Variants in PARP2 observed in about 807,000 individuals in gnomAD.
The protein encoded by PARP2 is poly(ADP-ribose) polymerase 2, also known as poly [ADP-ribose] polymerase 2.
PARP2 carries 57 observed loss-of-function variants against 77.8 expected under a neutral mutation model. The observed-to-expected ratio is 0.73, with a 90% CI of 0.59 to 0.91. The LOEUF is 0.91. Among genes scored for constraint, PARP2 ranks in the 40% least tolerant of loss-of-function variants. PARP2 has a pLI of 0.00. For synonymous variants in PARP2, 226 were observed against 242.6 expected (o/e 0.93, Z 0.64); for missense variants, 651 against 689.0 (o/e 0.94, Z 0.62).
chr14:20,350,461 C>A, intron 4 of PARP2, 65 bp from the exon 5 acceptor site: 1 of 794,532 alleles, frequency 1.3e-6, no homozygotes. Flanking sequence ...AAGGATGAGT[C>A]ATTGGTTTAT....
chr14:20,346,922 C>A lies in PARP2; in HGVS notation c.324+9C>A. On this transcript the variant is annotated intron_variant, in intron 4 of 15. Coordinates refer to ENST00000429687, the MANE Select transcript of PARP2 (RefSeq NM_001042618.2). The stretch of plus-strand genomic sequence containing the variant: ...ATGTCATGCTAAATCAGGTAAGAGG[C>A]AAGAAGAGGTGGCACCATTATATTT... 1 of 1,572,496 alleles carries A rather than the reference C, an allele frequency of 6.4e-7. No individual in the cohort carries two copies. Among genetic ancestry groups the A allele is most frequent in the Non-Finnish European group, 8.7e-7 (1 of 1,144,462 alleles).
chr14:20,356,655 T>G lies in PARP2; in HGVS notation c.1295T>G (p.Ile432Ser). ...WVGILSHGLRIAPPEAPITGY... is the reference protein window; with the variant it reads ...WVGILSHGLRSAPPEAPITGY... ...GGAATCTTGAGCCATGGGCTTCGAA[T>G]TGCCCCACCTGAAGCTCCCATCACA... Residue 432 changes from isoleucine (I) to serine (S), a missense_variant, in exon 13 of 16, where the codon ATT (isoleucine) becomes AGT (serine). Ile to Ser is a moderately radical substitution (Grantham distance 142). Transcript: ENST00000429687. The G allele has an allele frequency of 6.2e-7, 1 of 1,614,024 alleles. No homozygotes were observed. Among genetic ancestry groups the G allele is most frequent in the Non-Finnish European group, 8.5e-7 (1 of 1,179,898 alleles).
chr14:20,353,265 G>A (rs1041042361), intron 7 of PARP2, among the ~76,000 whole-genome samples: 2 of 150,022 alleles, frequency 1.3e-5, no homozygotes, highest in African/African-American at 2.5e-5. Context: ...TTTTTGATAC[G>A]GAGTCTCGCT....
intron 3 of PARP2, chr14:20,346,484 C>T (rs566321288): frequency 4.0e-4 from 70 of 175,532 alleles, no homozygotes; most frequent in Non-Finnish European, 7.2e-4. Flanking sequence ...CCCACCACCA[C>T]GCCCAGCCTG....
intron 3 of PARP2, among the ~76,000 whole-genome samples, chr14:20,345,906 GAGAA>G (rs1019388213): frequency 4.0e-5 from 6 of 149,838 alleles, no homozygotes; most frequent in East Asian, 1.9e-4. Context: ...GTCACAGAGA[GAGAA>G]AGAGAGAATG....
rs1884150573 is a variant in PARP2, at chr14:20,356,328, TCTACCCATG to T, written c.1126_1134del (p.Thr376_Ala378del). 6.2e-7 allele frequency: 1 copy of T among 1,614,132 alleles called. No homozygotes were observed. Among genetic ancestry groups the T allele is most frequent in the Non-Finnish European group, 8.5e-7 (1 of 1,179,950 alleles). ...ACAGGTGATTTCCCAGTACCTACAA[TCTACCCATG>T]CTCCCACACACAGCGACTATACCAT... On this transcript the variant is annotated inframe_deletion, in exon 12 of 16. Transcript: ENST00000429687.
In PARP2 at chr14:20,356,679, CAGG is replaced by C; in HGVS notation, c.1320_1322del (p.Gly441del). ...ATTGCCCCACCTGAAGCTCCCATCA[CAGG>C]TTACATGGTGAGTGAAATTGAACTC... On this transcript the variant is annotated inframe_deletion, in exon 13 of 16. Transcript: ENST00000429687. The C allele has an allele frequency of 1.9e-6, 3 of 1,611,938 alleles. No homozygotes were observed. The highest frequency in any genetic ancestry group is 2.5e-6 in the Non-Finnish European group (3 of 1,177,992).
At chr14:20,344,655 A>C (rs1294708549) in intron 1 of PARP2, among the ~76,000 whole-genome samples, 25 of 152,112 alleles carry the variant, frequency 1.6e-4, no homozygotes, top group Non-Finnish European at 2.6e-4. Context: ...TCTACTAAAA[A>C]TACAAAAATT....
intron 14 of PARP2, 61 bp downstream of exon 14, chr14:20,357,210 A>G (rs1448145794): frequency 7.1e-7 from 1 of 1,412,578 alleles, no homozygotes; most frequent in Admixed American, 1.7e-5. Flanking sequence ...TCCGATGAGA[A>G]AAGTTTGACC....
intron 5 of PARP2, 163 bp from the exon 6 acceptor site, chr14:20,350,884 G>C: frequency 1.6e-6 from 1 of 629,930 alleles, no homozygotes; most frequent in Non-Finnish European, 2.8e-6. Context: ...CATAGACTAT[G>C]GCAGTTAGCA....
chr14:20,350,373 A>G (rs753968849), intron 4 of PARP2, among the ~76,000 whole-genome samples, 153 bp from the exon 5 acceptor site: 1 of 152,212 alleles, frequency 6.6e-6, no homozygotes, highest in African/African-American at 2.4e-5. Context: ...TCTTCTTTAT[A>G]TCTTTAATCT....
chr14:20,346,761 T>C (rs1236588523), intron 3 of PARP2, 102 bp from the exon 4 acceptor site: 2 of 762,970 alleles, frequency 2.6e-6, no homozygotes, highest in African/African-American at 1.7e-5. Context: ...TTGATGTTGC[T>C]GTAGAATGAT....
chr14:20,351,096 C>T lies in PARP2; in HGVS notation c.471C>T (p.Asn157=), dbSNP rs756267437. 9 of 1,613,786 alleles carry T rather than the reference C, an allele frequency of 5.6e-6. No individual in the cohort carries two copies. In the African/African-American group the frequency reaches 1.1e-4, roughly 19 times the overall value. ...TGGTGGCTTGTTCAGGCAATCTCAA[C>T]AAGGCCAAGGAAATCTTTCAGAAGA... ...HSLVACSGNL[N]KAKEIFQKKF... is the part of the protein sequence containing the mutation. Residue 157 remains asparagine, a synonymous_variant, in exon 6 of 16, where the codon AAC becomes AAT. Coordinates refer to ENST00000429687, the MANE Select transcript of PARP2 (RefSeq NM_001042618.2).
At chr14:20,344,717 G>T (rs1259849606) in intron 1 of PARP2, among the ~76,000 whole-genome samples, 2 of 152,170 alleles carry the variant, frequency 1.3e-5, no homozygotes, top group African/African-American at 4.8e-5. Flanking sequence ...GGAGGCTGAG[G>T]CACGAGAATC....
chr14:20,356,265 C>G (rs770795503), intron 11 of PARP2, 42 bp from the exon 12 acceptor site: 13 of 1,610,592 alleles, frequency 8.1e-6, no homozygotes, highest in Non-Finnish European at 8.5e-6. Context: ...AGCTCAGTCT[C>G]TTGTAGAGTC....
chr14:20,345,859 G>C (rs925375785), intron 3 of PARP2, among the ~76,000 whole-genome samples: 3 of 151,980 alleles, frequency 2.0e-5, no homozygotes, highest in Admixed American at 6.6e-5. Flanking sequence ...GAGAGAGAGA[G>C]ACAGAGAGAA....
Position 20,343,643 on chromosome 14 carries a change from T to TGGCGGCGC in PARP2, c.10_17dup (p.Arg7_?6), listed in dbSNP as rs1482683856. 24 of 1,610,094 alleles carry TGGCGGCGC rather than the reference T, an allele frequency of 1.5e-5. No homozygotes were observed. The highest frequency in any genetic ancestry group is 7.8e-5 in the South Asian group (7 of 89,848). ...TGATGACGTCAGCGTTCGAATTCCATGGCGGCGCGGCGGCGACGGAGCACC... is the reference window on the plus strand; with the variant it reads ...TGATGACGTCAGCGTTCGAATTCCATGGCGGCGCGGCGGCGCGGCGGCGACGGAGCACC... On this transcript the variant is annotated frameshift_variant and start_lost, in exon 1 of 16. Transcript: ENST00000429687. LOFTEE classifies it high-confidence loss of function.
chr14:20,357,576 G>A (rs762407859), intron 15 of PARP2, 56 bp downstream of exon 15: 28 of 1,603,408 alleles, frequency 1.7e-5, no homozygotes, highest in South Asian at 2.2e-5. Context: ...ATAAGACTAC[G>A]TTCTCTATTG....
chr14:20,354,955 C>T lies in PARP2; in HGVS notation c.902+8C>T, dbSNP rs762270539. 5.6e-6 allele frequency: 9 copies of T among 1,608,840 alleles called. No homozygotes were observed. In the East Asian group the frequency reaches 6.7e-5, roughly 12 times the overall value. ...GATTCCGCATGACTTTGGGTAAGGCCTGTGCTGTTACTTCACTTTGTTCTT... is the reference window on the plus strand; with the variant it reads ...GATTCCGCATGACTTTGGGTAAGGCTTGTGCTGTTACTTCACTTTGTTCTT... On this transcript the variant is annotated splice_region_variant and intron_variant, in intron 9 of 15. Coordinates refer to ENST00000429687, the MANE Select transcript of PARP2 (RefSeq NM_001042618.2).
Sources: allele counts gnomAD v4.1 joint callset (sites outside exome capture counted in the v4.1 genomes callset), GRCh38; gene constraint gnomAD v4.1.1; transcripts MANE v1.5; gene names NCBI Gene and HGNC (gene_info 2026-07-23, HGNC 2026-07-21).